The following ANKRD44 variants were observed in gnomAD, a reference collection of about 807,000 sequenced individuals.
The protein encoded by ANKRD44 is ankyrin repeat domain 44.
In ANKRD44, 35 loss-of-function variants were observed where a neutral mutation model predicts 116.0. The observed-to-expected ratio is 0.30, with a 90% CI of 0.23 to 0.40. ANKRD44 has a LOEUF of 0.40. ANKRD44 is among the 10% of genes least tolerant of loss of function. ANKRD44 has a pLI of 1.00. For synonymous variants in ANKRD44, 435 were observed against 461.8 expected (o/e 0.94, Z 0.74); for missense variants, 1,014 against 1,242.6 (o/e 0.82, Z 2.77).
intron 2 of ANKRD44, among the ~76,000 whole-genome samples, chr2:197,172,148 C>A (rs1207969523): frequency 6.6e-6 from 1 of 151,808 alleles, no homozygotes; most frequent in Non-Finnish European, 1.5e-5. Flanking sequence ...TTACAGGTGC[C>A]CACCACCACA....
chr2:197,012,684 G>A (rs1456395275), intron 18 of ANKRD44, among the ~76,000 whole-genome samples: 1 of 151,910 alleles, frequency 6.6e-6, no homozygotes, highest in East Asian at 1.9e-4. Flanking sequence ...CTATCATTCT[G>A]GGAAAATTTT....
intron 1 of ANKRD44, among the ~76,000 whole-genome samples, chr2:197,293,647 T>C (rs1375445630): frequency 6.6e-6 from 1 of 152,162 alleles, no homozygotes; most frequent in East Asian, 1.9e-4. Context: ...AGCCTTAGTA[T>C]TTCAGGATTA....
chr2:197,173,527 T>A (rs1403529527), intron 2 of ANKRD44, among the ~76,000 whole-genome samples: 2 of 152,162 alleles, frequency 1.3e-5, no homozygotes, highest in Non-Finnish European at 2.9e-5. Flanking sequence ...GAATATTACT[T>A]TAGGGCACCT....
intron 2 of ANKRD44, among the ~76,000 whole-genome samples, chr2:197,179,932 G>A (rs533810001): frequency 6.6e-6 from 1 of 152,168 alleles, no homozygotes; most frequent in Non-Finnish European, 1.5e-5. Context: ...GTCCAACAAG[G>A]GGGGCGTGGA....
intron 1 of ANKRD44, among the ~76,000 whole-genome samples, chr2:197,208,241 C>T (rs2081251629): frequency 6.6e-6 from 1 of 152,168 alleles, no homozygotes; most frequent in South Asian, 2.1e-4. Context: ...TGACAACCCC[C>T]ACGCGCCCCA....
chr2:197,257,588 T>C (rs1023025456), intron 1 of ANKRD44, among the ~76,000 whole-genome samples: 3 of 152,294 alleles, frequency 2.0e-5, no homozygotes, highest in African/African-American at 4.8e-5. Context: ...AAGAGTATAA[T>C]TGGATTATTT....
At chr2:197,137,639 C>T (rs1359527534) in intron 3 of ANKRD44, among the ~76,000 whole-genome samples, 1 of 152,126 alleles carries the variant, frequency 6.6e-6, no homozygotes, top group Non-Finnish European at 1.5e-5. Flanking sequence ...AGAACAAATG[C>T]CATCAACAGC....
intron 2 of ANKRD44, among the ~76,000 whole-genome samples, chr2:197,179,876 G>T (rs1456962399): frequency 6.6e-6 from 1 of 152,190 alleles, no homozygotes; most frequent in Non-Finnish European, 1.5e-5. Context: ...TCTTTACAGG[G>T]TATAGGTCAG....
intron 1 of ANKRD44, among the ~76,000 whole-genome samples, chr2:197,271,643 G>A (rs1010969408): frequency 2.0e-5 from 3 of 152,158 alleles, no homozygotes; most frequent in Non-Finnish European, 4.4e-5. Context: ...TTTGTTGGTT[G>A]CTTTGTTTTT....
chr2:197,208,052 T>C (rs2081247243), intron 1 of ANKRD44, among the ~76,000 whole-genome samples: 1 of 152,228 alleles, frequency 6.6e-6, no homozygotes, highest in Non-Finnish European at 1.5e-5. Context: ...ATTGATGAAC[T>C]TTTAAAAAAT....
chr2:197,029,243 C>G (rs552417415), intron 16 of ANKRD44: 1 of 195,248 alleles, frequency 5.1e-6, no homozygotes, highest in East Asian at 1.7e-4. Flanking sequence ...GGTTTTCTGT[C>G]CTTCTGACAG....
chr2:197,123,989 A>C (rs148709377), intron 6 of ANKRD44, among the ~76,000 whole-genome samples: 2 of 152,292 alleles, frequency 1.3e-5, no homozygotes, highest in Non-Finnish European at 2.9e-5. Context: ...AAATGCTTTA[A>C]CTGTATATAC....
chr2:197,118,615 A>AAGAAAG (rs1553512529), intron 8 of ANKRD44, among the ~76,000 whole-genome samples: 11,634 of 76,282 alleles, frequency 0.15, 585 homozygotes, highest in Middle Eastern at 0.2. Context: ...GAGAGAAAGA[A>AAGAAAG]AGAGAGAGAG....
At chr2:197,012,575 A>C (rs534074841) in intron 18 of ANKRD44, among the ~76,000 whole-genome samples, 1 of 152,128 alleles carries the variant, frequency 6.6e-6, no homozygotes, top group Non-Finnish European at 1.5e-5. Context: ...ATCATTTCCA[A>C]GTAAGTAGGC....
intron 1 of ANKRD44, among the ~76,000 whole-genome samples, chr2:197,284,503 AACACACACACACAC>A (rs10547024): frequency 1.7e-4 from 24 of 137,848 alleles, no homozygotes; most frequent in South Asian, 1.7e-3. Context: ...CAGAGAGTCA[AACACACACACACAC>A]ACACACACAC....
intron 1 of ANKRD44, among the ~76,000 whole-genome samples, chr2:197,285,068 T>A (rs538990256): frequency 1.3e-5 from 2 of 151,770 alleles, no homozygotes; most frequent in East Asian, 2.0e-4. Flanking sequence ...CCCTAAAAGA[T>A]GTTCCCTTTG....
chr2:197,191,005 G>A (rs1015040818), intron 1 of ANKRD44, among the ~76,000 whole-genome samples: 12 of 151,950 alleles, frequency 7.9e-5, no homozygotes, highest in African/African-American at 2.9e-4. Context: ...AATAGTGGTA[G>A]GAAAAAAGGA....
chr2:197,202,972 C>T (rs1371120274), intron 1 of ANKRD44, among the ~76,000 whole-genome samples: 1 of 151,960 alleles, frequency 6.6e-6, no homozygotes, highest in African/African-American at 2.4e-5. Flanking sequence ...AACTAGGTCC[C>T]ACCCCAATAA....
At chr2:197,066,518 C>G (rs141142218) in intron 16 of ANKRD44, among the ~76,000 whole-genome samples, 2,685 of 152,286 alleles carry the variant, frequency 0.018, 78 homozygotes, top group African/African-American at 0.061. Context: ...TTGCAGATAA[C>G]ATGATTGTAT....
Sources: gnomAD v4.1 joint callset for allele counts (sites outside exome capture counted in the v4.1 genomes callset) on GRCh38, gnomAD v4.1.1 for gene constraint, MANE v1.5 for transcripts, NCBI Gene and HGNC (gene_info 2026-07-23, HGNC 2026-07-21) for gene names.